Variants in PWWP3A observed in about 807,000 individuals in gnomAD.
PWWP3A encodes the protein PWWP domain containing 3A, DNA repair factor, also known as PWWP domain-containing DNA repair factor 3A.
A neutral mutation model predicts 79.0 loss-of-function variants in PWWP3A; 53 were observed. That is an observed-to-expected ratio of 0.67 (90% CI 0.54 to 0.84). PWWP3A has a LOEUF of 0.84. Ranked by LOEUF, PWWP3A falls within the 40% of genes least tolerant of loss-of-function variation. The probability of loss-of-function intolerance (pLI) is 0.00; values close to 1 mark genes in which losing one functional copy is unlikely to be tolerated. For missense variants in PWWP3A, 973 were observed against 948.0 expected (o/e 1.03, Z -0.35); for synonymous variants, 443 against 394.4 (o/e 1.12, Z -1.46).
chr19:1,371,791 TA>T (rs1447421074), intron 12 of PWWP3A, among the ~76,000 whole-genome samples: 2 of 144,706 alleles, frequency 1.4e-5, no homozygotes, highest in Admixed American at 6.9e-5. Context: ...TTTTGGAGCA[TA>T]AAAACCCTCA....
intron 13 of PWWP3A, chr19:1,374,415 G>A (rs896976554): frequency 6.6e-5 from 10 of 152,186 alleles, no homozygotes; most frequent in African/African-American, 2.4e-4. Flanking sequence ...TGGAGCCTTG[G>A]GTCACACACT....
At chr19:1,364,795 A>G (rs965149830) in intron 7 of PWWP3A, among the ~76,000 whole-genome samples, 2 of 152,144 alleles carry the variant, frequency 1.3e-5, no homozygotes, top group African/African-American at 4.8e-5. Context: ...CCACATTTTC[A>G]CCAAGCAGGC....
intron 3 of PWWP3A, chr19:1,358,143 A>T (rs2081924493): frequency 2.1e-6 from 1 of 473,746 alleles, no homozygotes; most frequent in African/African-American, 2.0e-5. Flanking sequence ...CACAATTTGA[A>T]TTCATTTTTG....
At position 1,368,904 on chromosome 19, in the gene PWWP3A, CACCT is replaced by C. The variant is rs2082187881; in HGVS notation, c.1423-360_1423-357del. ...CCCAAGCCATCGGGTCCCCGGTGCCCACCTGCGTTCAGACCAGCCCAAGCCATCG... is the reference window on the plus strand; with the variant it reads ...CCCAAGCCATCGGGTCCCCGGTGCCCGCGTTCAGACCAGCCCAAGCCATCG... On this transcript the variant is annotated intron_variant, in intron 9 of 13. Transcript: ENST00000591337. The surrounding 1 kb of genome is among the most constrained non-coding windows in gnomAD (Gnocchi z 4.7). Among the ~76,000 whole-genome samples, 1 of 146,106 alleles carries C rather than the reference CACCT, an allele frequency of 6.8e-6. No individual in the cohort carries two copies. Among genetic ancestry groups the C allele is most frequent in the African/African-American group, 2.6e-5 (1 of 38,442 alleles).
Position 1,356,995 on chromosome 19 carries a change from T to G in PWWP3A, c.58-14T>G. ...TGTTGTAATAACAAGGATTTTCTTT[T>G]GTTTTAAATGTAGGTTTTGGCCCGA... is the stretch of plus-strand genomic sequence containing the variant. On this transcript the variant is annotated splice_polypyrimidine_tract_variant and intron_variant, in intron 2 of 13. Coordinates refer to ENST00000591337, the MANE Select transcript of PWWP3A (RefSeq NM_001369789.1). The G allele has an allele frequency of 1.2e-6, 2 of 1,604,882 alleles. No individual in the cohort carries two copies. Among genetic ancestry groups the G allele is most frequent in the Non-Finnish European group, 1.7e-6 (2 of 1,176,036 alleles).
intron 2 of PWWP3A, among the ~76,000 whole-genome samples, 161 bp downstream of exon 2, chr19:1,356,610 G>C (rs901905573): frequency 6.6e-6 from 1 of 150,486 alleles, no homozygotes; most frequent in African/African-American, 2.5e-5. Context: ...TTTTGGTCTA[G>C]TGCTTCCAAG....
At chr19:1,370,497 G>A (rs372295565) in intron 11 of PWWP3A, 145 bp from the exon 12 acceptor site, 9 of 678,774 alleles carry the variant, frequency 1.3e-5, no homozygotes, top group East Asian at 6.1e-5. Context: ...GAGCGTGAAT[G>A]CTCCACTCCC....
At position 1,373,086 on chromosome 19, in the gene PWWP3A, G is replaced by T. The variant is rs142673331; in HGVS notation, c.2001G>T (p.Ala667=). ...DVLLPEAIIC[A]ISAVDEVDYK... ...CCCTCTCACAGGCCATCATCTGTGC[G>T]ATCTCTGCGGTGGACGAGGTGGACT... The change falls in exon 13 of 14, where the codon GCG becomes GCT. Residue 667 remains alanine (A), a synonymous_variant. Coordinates refer to ENST00000591337, the MANE Select transcript of PWWP3A (RefSeq NM_001369789.1). 9.3e-6 allele frequency: 15 copies of T among 1,614,218 alleles called. No individual in the cohort carries two copies. The highest frequency in any genetic ancestry group is 3.3e-5 in the South Asian group (3 of 91,078).
intron 13 of PWWP3A, among the ~76,000 whole-genome samples, chr19:1,376,295 G>GTTTGTT (rs2082393543): frequency 6.0e-5 from 4 of 67,066 alleles, no homozygotes; most frequent in Non-Finnish European, 1.2e-4. Flanking sequence ...CCGGCTGTTT[G>GTTTGTT]TTTTTTTTTT....
intron 13 of PWWP3A, among the ~76,000 whole-genome samples, chr19:1,375,529 T>TTACTATATATAAAA (rs2082353223): frequency 8.8e-6 from 1 of 113,496 alleles, no homozygotes; most frequent in East Asian, 2.3e-4. Flanking sequence ...ATCATATAAT[T>TTACTATATATAAAA]TATATATTTT....
intron 9 of PWWP3A, 103 bp downstream of exon 9, chr19:1,367,323 G>C (rs1037992860): frequency 1.0e-6 from 1 of 996,478 alleles, no homozygotes; most frequent in African/African-American, 1.6e-5. Context: ...CGGTGTACGC[G>C]TGTGAATGAT....
intron 11 of PWWP3A, 94 bp from the exon 12 acceptor site, chr19:1,370,548 C>A: frequency 8.5e-7 from 1 of 1,176,280 alleles, no homozygotes; most frequent in Non-Finnish European, 1.2e-6. Context: ...TGCCCCCATC[C>A]CTGCCATGTC....
intron 8 of PWWP3A, 114 bp from the exon 9 acceptor site, chr19:1,367,045 TG>T (rs2082144421): frequency 2.7e-6 from 2 of 739,686 alleles, no homozygotes; most frequent in Admixed American, 2.9e-5. Context: ...ATAAATAAGC[TG>T]GGGCTGGTGG....
At position 1,376,515 on chromosome 19, in the gene PWWP3A, G is replaced by T. The variant is rs1237238932; in HGVS notation, c.2076-4G>T. 6 of 1,612,986 alleles carry T rather than the reference G, an allele frequency of 3.7e-6. No individual in the cohort carries two copies. The East Asian group carries it at 1.1e-4, about 30-fold the overall frequency. The stretch of plus-strand genomic sequence containing the variant: ...ACTAAAATGAAGACTCTTGTTTTCT[G>T]AAGGGAAAAAGAAATATTTGACAAC... On this transcript the variant is annotated splice_polypyrimidine_tract_variant and splice_region_variant and intron_variant, in intron 13 of 13. Coordinates refer to ENST00000591337, the MANE Select transcript of PWWP3A (RefSeq NM_001369789.1).
chr19:1,367,794 C>T (rs990913529), intron 9 of PWWP3A, among the ~76,000 whole-genome samples: 40 of 152,336 alleles, frequency 2.6e-4, no homozygotes, highest in African/African-American at 5.1e-4. Context: ...ATGTCTATTT[C>T]CCCTCTGGAA....
chr19:1,364,564 C>T lies in PWWP3A; in HGVS notation c.1269C>T (p.Pro423=). The part of the protein sequence containing the change: ...MLVWHKHKKY[P]FWPAVVKSVR... ...TCTGGCATAAACATAAAAAATACCC[C>T]TTCTGGCCAGCAGTGGTAAGAACAG... Residue 423 remains proline, a synonymous_variant, in exon 7 of 14, where the codon CCC becomes CCT. Transcript: ENST00000591337. 6.2e-7 allele frequency: 1 copy of T among 1,608,384 alleles called. No individual in the cohort carries two copies.
At position 1,367,221 on chromosome 19, in the gene PWWP3A, G is replaced by T; in HGVS notation, c.1422+1G>T. The stretch of plus-strand genomic sequence containing the variant: ...TTGTAAAGAGAAACAGACGCTTCTG[G>T]TAGGTGGATGATGTTTTGTGCTTGC... On this transcript the variant is annotated splice_donor_variant, in intron 9 of 13. Coordinates refer to ENST00000591337, the MANE Select transcript of PWWP3A (RefSeq NM_001369789.1). LOFTEE classifies it high-confidence loss of function. 6.2e-7 allele frequency: 1 copy of T among 1,612,362 alleles called. No individual in the cohort carries two copies. The highest frequency in any genetic ancestry group is 2.2e-5 in the East Asian group (1 of 44,878).
At chr19:1,365,666 G>T (rs903799673) in intron 7 of PWWP3A, among the ~76,000 whole-genome samples, 1 of 152,246 alleles carries the variant, frequency 6.6e-6, no homozygotes, top group African/African-American at 2.4e-5. Flanking sequence ...CTTGGCACTG[G>T]TTTCCTCTCC....
chr19:1,362,148 T>C (rs1196965869), intron 5 of PWWP3A, 102 bp from the exon 6 acceptor site: 1 of 936,836 alleles, frequency 1.1e-6, no homozygotes, highest in Non-Finnish European at 1.6e-6. Context: ...CATGGAACCT[T>C]TTCTTTATGC....
Sources: gnomAD v4.1 joint callset for allele counts (sites outside exome capture counted in the v4.1 genomes callset) on GRCh38, gnomAD v4.1.1 for gene constraint, Gnocchi (gnomAD v3.1) non-coding constraint, MANE v1.5 for transcripts, NCBI Gene and HGNC (gene_info 2026-07-23, HGNC 2026-07-21) for gene names.